Variants in ZNF536 observed in about 807,000 individuals in gnomAD.
ZNF536 encodes the protein zinc finger protein 536.
In ZNF536, 13 loss-of-function variants were observed where a neutral mutation model predicts 84.5. The observed-to-expected ratio is 0.15, with a 90% confidence interval of 0.10 to 0.24. The LOEUF is 0.24. Ranked by LOEUF, ZNF536 falls within the 10% of genes least tolerant of loss-of-function variation. ZNF536 has a pLI of 1.00. For missense variants in ZNF536, 1,536 were observed against 1,747.5 expected (o/e 0.88, Z 2.16); for synonymous variants, 811 against 742.5 (o/e 1.09, Z -1.50).
chr19:30,617,599 T>C (rs1174301565), intron 1 of ZNF536, among the ~76,000 whole-genome samples: 1 of 151,668 alleles, frequency 6.6e-6, no homozygotes, highest in African/African-American at 2.4e-5. Context: ...ATCTGCCCAC[T>C]GTGGCCTCCC....
intron 1 of ZNF536, among the ~76,000 whole-genome samples, chr19:30,708,158 C>T (rs111619671): frequency 1.4e-5 from 2 of 147,412 alleles, no homozygotes; most frequent in African/African-American, 4.9e-5. Flanking sequence ...ATGGTTCTTG[C>T]CCCAGGAATT....
intron 1 of ZNF536, among the ~76,000 whole-genome samples, chr19:30,702,134 G>A (rs767732289): frequency 1.3e-5 from 2 of 152,202 alleles, no homozygotes; most frequent in African/African-American, 2.4e-5. Context: ...CCTCCCAAGG[G>A]CAGGCATTTT....
At chr19:30,495,597 T>G (rs902939866) in intron 2 of ZNF536, among the ~76,000 whole-genome samples, 6 of 152,218 alleles carry the variant, frequency 3.9e-5, no homozygotes, top group Non-Finnish European at 8.8e-5. Flanking sequence ...CTTATACACA[T>G]GGAGCGTAGG....
intron 1 of ZNF536, among the ~76,000 whole-genome samples, chr19:30,237,088 C>T (rs953832109): frequency 1.3e-5 from 2 of 151,634 alleles, no homozygotes; most frequent in Non-Finnish European, 2.9e-5. Context: ...AGGAGCCTGG[C>T]CACTCAGGTG....
intron 2 of ZNF536, among the ~76,000 whole-genome samples, chr19:30,466,731 GGGAGGGAGGGAAGGAAGAAA>G (rs1265832533): frequency 1.6e-5 from 2 of 123,848 alleles, no homozygotes; most frequent in African/African-American, 6.5e-5. Context: ...GAAGGAAGGA[GGGAGGGAGGGAAGGAAGAAA>G]GGAGGGAAGG....
intron 1 of ZNF536, among the ~76,000 whole-genome samples, chr19:30,663,326 A>G (rs1278448013): frequency 6.6e-6 from 1 of 152,044 alleles, no homozygotes; most frequent in Non-Finnish European, 1.5e-5. Flanking sequence ...AGCCCTTACT[A>G]TTTGCCCTTT....
At chr19:30,701,091 A>G (rs896879158) in intron 1 of ZNF536, among the ~76,000 whole-genome samples, 3 of 152,152 alleles carry the variant, frequency 2.0e-5, no homozygotes, top group Admixed American at 6.5e-5. Context: ...TTGTGATCCC[A>G]TGCTCTGAAA....
At chr19:30,566,622 G>T (rs1440140599) in intron 1 of ZNF536, among the ~76,000 whole-genome samples, 1 of 152,222 alleles carries the variant, frequency 6.6e-6, no homozygotes, top group Admixed American at 6.5e-5. Flanking sequence ...GTCCCTGGGA[G>T]TGGCCTCTCC....
At chr19:30,481,334 G>C (rs937698642) in intron 2 of ZNF536, among the ~76,000 whole-genome samples, 5 of 152,174 alleles carry the variant, frequency 3.3e-5, no homozygotes, top group African/African-American at 1.2e-4. Context: ...CTCTCTGGGG[G>C]AGTCACACTG....
At chr19:30,260,171 T>C (rs1033411471) in intron 1 of ZNF536, among the ~76,000 whole-genome samples, 3 of 152,392 alleles carry the variant, frequency 2.0e-5, no homozygotes, top group Non-Finnish European at 2.9e-5. Flanking sequence ...GTGACTCCGA[T>C]GTCTAAAATG....
Position 30,444,069 on chromosome 19 carries a change from G to A in ZNF536, c.507G>A (p.Gln169=), listed in dbSNP as rs768839903. ...KCPYCDHRAA[Q]KGNLKIHLRT... ...CGTACTGCGACCACAGGGCGGCGCA[G>A]AAGGGGAACCTCAAGATTCACCTGC... The change falls in exon 2 of 5, where the codon CAG becomes CAA. Residue 169 remains glutamine, a synonymous_variant. Transcript: ENST00000355537. The A allele has an allele frequency of 1.3e-5, 21 of 1,613,472 alleles. No individual in the cohort carries two copies. The highest frequency in any genetic ancestry group is 1.8e-5 in the Non-Finnish European group (21 of 1,179,996).
chr19:30,234,599 A>C (rs1301085507), intron 1 of ZNF536, among the ~76,000 whole-genome samples: 1 of 151,572 alleles, frequency 6.6e-6, no homozygotes, highest in Non-Finnish European at 1.5e-5. Flanking sequence ...ACAGGGTTTC[A>C]CCATGTTAGC....
At chr19:30,677,292 G>A (rs2050786280) in intron 1 of ZNF536, among the ~76,000 whole-genome samples, 1 of 152,200 alleles carries the variant, frequency 6.6e-6, no homozygotes, top group Non-Finnish European at 1.5e-5. Context: ...CTGCTTCTCG[G>A]TTTCTTATTG....
intron 2 of ZNF536, among the ~76,000 whole-genome samples, chr19:30,521,536 C>T (rs1395219000): frequency 6.6e-6 from 1 of 152,180 alleles, no homozygotes; most frequent in Non-Finnish European, 1.5e-5. Context: ...ACTTGACCTT[C>T]CTCCTGGAAG....
chr19:30,237,708 A>C (rs2023640313), intron 1 of ZNF536, among the ~76,000 whole-genome samples: 1 of 151,950 alleles, frequency 6.6e-6, no homozygotes, highest in African/African-American at 2.4e-5. Flanking sequence ...TTGTTTGCTA[A>C]TTAAATTGTT....
intron 2 of ZNF536, among the ~76,000 whole-genome samples, chr19:30,341,854 A>G (rs1286825271): frequency 1.3e-5 from 2 of 152,216 alleles, no homozygotes; most frequent in African/African-American, 4.8e-5. Context: ...AACATGTTGA[A>G]ATGAAAGTCC....
chr19:30,254,586 GAA>G (rs11342778), intron 1 of ZNF536, among the ~76,000 whole-genome samples: 1,570 of 130,986 alleles, frequency 0.012, 15 homozygotes, highest in African/African-American at 0.03. Flanking sequence ...TTCTCTTTTT[GAA>G]AAAAAAAAAA....
At chr19:30,567,403 C>T (rs1394597012) in intron 1 of ZNF536, among the ~76,000 whole-genome samples, 1 of 152,192 alleles carries the variant, frequency 6.6e-6, no homozygotes, top group African/African-American at 2.4e-5. Context: ...CCCTCAGTGT[C>T]CTCACCTCTC....
At chr19:30,251,134 C>T (rs1372596272) in intron 1 of ZNF536, among the ~76,000 whole-genome samples, 1 of 152,108 alleles carries the variant, frequency 6.6e-6, no homozygotes, top group African/African-American at 2.4e-5. Context: ...GAATAAGCCA[C>T]CAGGCCACCT....
Sources: gnomAD v4.1 joint callset for allele counts (sites outside exome capture counted in the v4.1 genomes callset) on GRCh38, gnomAD v4.1.1 for gene constraint, MANE v1.5 for transcripts, NCBI Gene and HGNC (gene_info 2026-07-23, HGNC 2026-07-21) for gene names.